The following CSMD1 variants were observed in gnomAD, a reference collection of about 807,000 sequenced individuals.
CSMD1 encodes the protein CUB and Sushi multiple domains 1.
A neutral mutation model predicts 417.5 loss-of-function variants in CSMD1; 213 were observed. The observed-to-expected ratio is 0.51, with a 90% CI of 0.46 to 0.57. The LOEUF (loss-of-function observed/expected upper bound fraction) is 0.57, where lower values mean the gene tolerates loss of function less well. Among genes scored for constraint, CSMD1 ranks in the 20% least tolerant of loss-of-function variants. CSMD1 has a pLI of 0.00. For missense variants in CSMD1, 6,923 were observed against 4,529.7 expected, an observed-to-expected ratio of 1.53 and a Z score of -15.17; for synonymous variants, 2,862 against 1,736.8, an observed-to-expected ratio of 1.65 and a Z score of -16.11.
chr8:3,589,417 T>G (rs762696523), intron 8 of CSMD1, among the ~76,000 whole-genome samples: 11 of 151,968 alleles, frequency 7.2e-5, no homozygotes, highest in Admixed American at 2.0e-4. Flanking sequence ...CACGCGTGTG[T>G]GTACACAATG....
intron 2 of CSMD1, among the ~76,000 whole-genome samples, chr8:4,577,546 C>T (rs558942441): frequency 2.0e-4 from 31 of 152,272 alleles, no homozygotes; most frequent in Admixed American, 5.9e-4. Context: ...GTGTGGCCCA[C>T]GGCATCCTTC....
At chr8:3,980,243 C>G (rs1287141355) in intron 5 of CSMD1, among the ~76,000 whole-genome samples, 2 of 152,156 alleles carry the variant, frequency 1.3e-5, no homozygotes, top group Admixed American at 6.5e-5. Flanking sequence ...TAGATGGGAA[C>G]TTAACTATTA....
At chr8:4,203,028 C>G (rs753804893) in intron 3 of CSMD1, among the ~76,000 whole-genome samples, 2 of 152,268 alleles carry the variant, frequency 1.3e-5, no homozygotes, top group Non-Finnish European at 2.9e-5. Context: ...TGTTTCCTTA[C>G]CTGCTGAGAG....
At chr8:3,115,960 G>C (rs1033751409) in intron 42 of CSMD1, among the ~76,000 whole-genome samples, 1 of 152,130 alleles carries the variant, frequency 6.6e-6, no homozygotes, top group African/African-American at 2.4e-5. Context: ...ATAAACCACT[G>C]TCAATTAATA....
At chr8:3,893,240 C>G (rs1021458085) in intron 5 of CSMD1, among the ~76,000 whole-genome samples, 3 of 149,184 alleles carry the variant, frequency 2.0e-5, no homozygotes, top group Admixed American at 6.7e-5. Context: ...ATTTTTTCTT[C>G]TTCTTATATT....
intron 20 of CSMD1, among the ~76,000 whole-genome samples, chr8:3,359,799 T>G (rs1305263617): frequency 1.3e-5 from 2 of 152,210 alleles, no homozygotes; most frequent in African/African-American, 4.8e-5. Context: ...GATGGGATTC[T>G]TAAGTATCTT....
At position 3,733,077 on chromosome 8, in the gene CSMD1, A is replaced by G. The variant is rs920758673; in HGVS notation, c.931+20853T>C. ...GTAAATGCTGCTGATTGGTTTTATA[A>G]AAGTGACACAAACTTTACCAACAGA... On this transcript the variant is annotated intron_variant, in intron 6 of 69. Transcript: ENST00000635120. 3.3e-5 allele frequency among the ~76,000 whole-genome samples: 5 copies of G among 151,824 alleles called. No homozygotes were observed. In the South Asian group the frequency reaches 6.2e-4, roughly 19 times the overall value.
chr8:3,898,847 A>T (rs965391313), intron 5 of CSMD1, among the ~76,000 whole-genome samples: 1 of 152,204 alleles, frequency 6.6e-6, no homozygotes, highest in Non-Finnish European at 1.5e-5. Context: ...ATTTCTCAGG[A>T]CATAGCTGAT....
chr8:2,990,319 C>T (rs150157256), intron 54 of CSMD1, among the ~76,000 whole-genome samples: 8 of 152,222 alleles, frequency 5.3e-5, no homozygotes, highest in East Asian at 1.9e-4. Flanking sequence ...AATGAGTTAA[C>T]GTGATTGTTT....
In CSMD1 at chr8:4,661,886, G is replaced by A. The variant is rs193097793; in HGVS notation, c.86-24328C>T. 3.1e-3 allele frequency among the ~76,000 whole-genome samples: 469 copies of A among 152,264 alleles called. 2 individuals carry two copies. The highest frequency in any genetic ancestry group is 4.7e-3 in the Non-Finnish European group (322 of 68,016). On this transcript the variant is annotated intron_variant, in intron 1 of 69. Transcript: ENST00000635120. ...TGGAGATGAAGGACGGTAGCATGCT[G>A]AGACAAGAATATACGTAAATCACAA...
intron 5 of CSMD1, among the ~76,000 whole-genome samples, chr8:3,991,023 C>T (rs1229862706): frequency 1.3e-5 from 2 of 152,184 alleles, no homozygotes; most frequent in African/African-American, 4.8e-5. Context: ...TAAAACACAG[C>T]CTGCCTGCTT....
chr8:3,954,787 T>C lies in CSMD1; in HGVS notation c.818+43116A>G, dbSNP rs192135578. 6.6e-5 allele frequency among the ~76,000 whole-genome samples: 10 copies of C among 151,744 alleles called. No homozygotes were observed. In the East Asian group the frequency reaches 1.2e-3, roughly 18 times the overall value. On this transcript the variant is annotated intron_variant, in intron 5 of 69. Coordinates refer to ENST00000635120, the MANE Select transcript of CSMD1 (RefSeq NM_033225.6). Reference sequence around the variant, plus strand: ...ATGCGTAATGTGGCAGGGAGTTACATGCACGCAGAGCCTCCTTGCCCCTCG... The same window carrying C: ...ATGCGTAATGTGGCAGGGAGTTACACGCACGCAGAGCCTCCTTGCCCCTCG...
At chr8:3,382,455 T>C (rs1810691889) in intron 18 of CSMD1, among the ~76,000 whole-genome samples, 1 of 135,776 alleles carries the variant, frequency 7.4e-6, no homozygotes, top group South Asian at 2.2e-4. Context: ...TAATATAATA[T>C]ATATAATATA....
intron 36 of CSMD1, among the ~76,000 whole-genome samples, chr8:3,184,333 C>T (rs941879633): frequency 3.9e-5 from 6 of 152,160 alleles, no homozygotes; most frequent in Non-Finnish European, 5.9e-5. Context: ...TCCAAACATA[C>T]TAGTTATTCT....
intron 2 of CSMD1, among the ~76,000 whole-genome samples, chr8:4,495,369 T>C (rs192113651): frequency 1.3e-5 from 2 of 151,930 alleles, no homozygotes; most frequent in South Asian, 2.1e-4. Context: ...AAGTCAAGGG[T>C]TCGAGACTAG....
chr8:4,465,480 T>A (rs1800110005), intron 2 of CSMD1, among the ~76,000 whole-genome samples: 1 of 152,200 alleles, frequency 6.6e-6, no homozygotes, highest in South Asian at 2.1e-4. Context: ...CCAAGATGGT[T>A]CGTCGTCCTC....
rs190832911 is a variant in CSMD1 at position 3,317,551 on chromosome 8, T to C, written c.3632-9048A>G. ...ACTTCTTTGTATAGCAAGGGGTGAA[T>C]AGTTAAAAAATAAAAAGCCCAGAAT... On this transcript the variant is annotated intron_variant, in intron 23 of 69. Coordinates refer to ENST00000635120, the MANE Select transcript of CSMD1 (RefSeq NM_033225.6). Among the ~76,000 whole-genome samples, 11 of 152,166 alleles carry C rather than the reference T, an allele frequency of 7.2e-5. 1 individual carries two copies. The highest frequency in any genetic ancestry group is 1.2e-4 in the Non-Finnish European group (8 of 68,036).
intron 5 of CSMD1, among the ~76,000 whole-genome samples, chr8:3,866,534 T>G (rs1805117792): frequency 6.6e-6 from 1 of 152,222 alleles, no homozygotes; most frequent in South Asian, 2.1e-4. Context: ...AATGTGTACG[T>G]TTTGGTCTTT....
intron 2 of CSMD1, among the ~76,000 whole-genome samples, chr8:4,464,773 G>C (rs1039110887): frequency 6.6e-6 from 1 of 152,102 alleles, no homozygotes; most frequent in Non-Finnish European, 1.5e-5. Flanking sequence ...TGCTGAGTGG[G>C]GTGGGGCTGG....
Sources: gnomAD v4.1 joint callset for allele counts (sites outside exome capture counted in the v4.1 genomes callset) on GRCh38, gnomAD v4.1.1 for gene constraint, MANE v1.5 for transcripts, NCBI Gene and HGNC (gene_info 2026-07-23, HGNC 2026-07-21) for gene names.